IL4I1: variants seen among roughly 807,000 people sequenced by gnomAD.
The protein encoded by IL4I1 is L-amino-acid oxidase.
In IL4I1, 24 loss-of-function variants were observed where a neutral mutation model predicts 29.7. The observed-to-expected ratio is 0.81, with a 90% CI of 0.59 to 1.14. IL4I1 has a LOEUF of 1.14. Among genes scored for constraint, IL4I1 ranks in the 50% most tolerant of loss-of-function variants. The pLI is 0.00. For missense variants in IL4I1, 686 were observed against 785.6 expected, an observed-to-expected ratio of 0.87 and a Z score of 1.52; for synonymous variants, 371 against 352.5, an observed-to-expected ratio of 1.05 and a Z score of -0.59.
At chr19:49,896,371 C>T (rs1008887677) in intron 1 of IL4I1, among the ~76,000 whole-genome samples, 189 bp from the exon 2 acceptor site, 10 of 152,094 alleles carry the variant, frequency 6.6e-5, no homozygotes, top group Admixed American at 5.2e-4. Context: ...CCCTCCTCAC[C>T]GGTCTCCACC....
At chr19:49,924,483 A>ATGCAACCTGCC (rs953224455) in intron 2 of IL4I1, among the ~76,000 whole-genome samples, 8 of 152,024 alleles carry the variant, frequency 5.3e-5, no homozygotes, top group African/African-American at 1.9e-4. Flanking sequence ...GCCAGGGCTG[A>ATGCAACCTGCC]TGCAACCTGC....
intron 5 of IL4I1, among the ~76,000 whole-genome samples, chr19:49,892,653 C>T (rs1568684862): frequency 1.3e-5 from 2 of 152,182 alleles, no homozygotes; most frequent in Non-Finnish European, 2.9e-5. Context: ...AGCCTTGCTG[C>T]CCCCATCTAA....
chr19:49,917,409 A>G (rs1309347715), intron 2 of IL4I1, among the ~76,000 whole-genome samples: 1 of 152,182 alleles, frequency 6.6e-6, no homozygotes, highest in Non-Finnish European at 1.5e-5. Flanking sequence ...CGTCAAAGAA[A>G]ATCCCCCTAA....
intron 2 of IL4I1, among the ~76,000 whole-genome samples, chr19:49,924,717 C>A (rs530077770): frequency 5.3e-5 from 8 of 152,318 alleles, no homozygotes; most frequent in African/African-American, 1.7e-4. Context: ...CAGGCAACCA[C>A]TGATGACCGG....
At chr19:49,906,174 G>A (rs1031867671) in intron 2 of IL4I1, among the ~76,000 whole-genome samples, 1 of 152,068 alleles carries the variant, frequency 6.6e-6, no homozygotes, top group Non-Finnish European at 1.5e-5. Flanking sequence ...GTAACCACTG[G>A]AATAGCGCCT....
At chr19:49,908,906 C>A in intron 2 of IL4I1, 1 of 1,607,762 alleles carries the variant, frequency 6.2e-7, no homozygotes, top group Non-Finnish European at 8.5e-7. Flanking sequence ...GCTGGGGATC[C>A]CGGCTGGCGC....
rs765595786 is a variant in IL4I1 at position 49,909,537 on chromosome 19, C to T, written c.-227-5216G>A. 2 of 1,614,128 alleles carry T rather than the reference C, an allele frequency of 1.2e-6. No individual in the cohort carries two copies. The highest frequency in any genetic ancestry group is 1.3e-5 in the African/African-American group (1 of 75,028). On this transcript the variant is annotated intron_variant, in intron 2 of 9. Coordinates refer to the IL4I1 transcript ENST00000341114. ...AAGTTGAGCTTTGAAGCACCGATCC[C>T]CAAAGAAAATCCAGTTCCCCCCGAA...
chr19:49,909,191 G>A (rs748419210), intron 2 of IL4I1: 25 of 1,613,714 alleles, frequency 1.5e-5, no homozygotes, highest in Non-Finnish European at 2.1e-5. Flanking sequence ...TGTGGGAGCA[G>A]CTGGCTGTGT....
intron 2 of IL4I1, among the ~76,000 whole-genome samples, chr19:49,910,569 G>C (rs1435155404): frequency 6.6e-6 from 1 of 152,144 alleles, no homozygotes; most frequent in Admixed American, 6.5e-5. Context: ...GCCTCCCCTG[G>C]GGTTTTCTCC....
At chr19:49,899,329 A>G (rs1009904617), upstream of IL4I1, among the ~76,000 whole-genome samples, 1 of 152,132 alleles carries the variant, frequency 6.6e-6, no homozygotes, top group Non-Finnish European at 1.5e-5. Context: ...GTTGTTGCAC[A>G]AAACTCCTCT....
chr19:49,915,888 G>A (rs2075611674), intron 2 of IL4I1, among the ~76,000 whole-genome samples: 1 of 152,224 alleles, frequency 6.6e-6, no homozygotes, highest in African/African-American at 2.4e-5. Flanking sequence ...GAAGGACAAG[G>A]TTGCCTCCGA....
intron 2 of IL4I1, chr19:49,908,833 G>A (rs1190744786): frequency 2.5e-6 from 4 of 1,612,682 alleles, no homozygotes; most frequent in Non-Finnish European, 2.5e-6. Flanking sequence ...TCATGGCGGA[G>A]CTGGCAGCCG....
chr19:49,896,471 G>A (rs1410600965), intron 1 of IL4I1, among the ~76,000 whole-genome samples: 6 of 149,590 alleles, frequency 4.0e-5, no homozygotes, highest in Admixed American at 4.0e-4. Flanking sequence ...GTCTTTCTCT[G>A]CCATCCAGGC....
At chr19:49,909,564 C>A (rs182434614) in intron 2 of IL4I1, 2 of 1,614,172 alleles carry the variant, frequency 1.2e-6, no homozygotes, top group Non-Finnish European at 1.7e-6. Context: ...CCCCCCGAAG[C>A]AAGAGTCGCT....
At chr19:49,908,359 G>A (rs1192648135) in intron 2 of IL4I1, 3 of 1,614,204 alleles carry the variant, frequency 1.9e-6, no homozygotes, top group Non-Finnish European at 1.7e-6. Context: ...ACTGCAGTGA[G>A]TCCATGTGCG....
intron 2 of IL4I1, among the ~76,000 whole-genome samples, chr19:49,926,014 G>A (rs2075877581): frequency 6.6e-6 from 1 of 151,982 alleles, no homozygotes; most frequent in African/African-American, 2.4e-5. Flanking sequence ...TTCGAGACCA[G>A]CCTGACCAAC....
intron 2 of IL4I1, chr19:49,908,053 G>T: frequency 7.6e-7 from 1 of 1,312,984 alleles, no homozygotes; most frequent in Non-Finnish European, 1.0e-6. Context: ...TGCTGCCTGG[G>T]CAGAAGGCCC....
chr19:49,899,053 GA>G (rs2075246940), upstream of IL4I1, among the ~76,000 whole-genome samples: 1 of 152,244 alleles, frequency 6.6e-6, no homozygotes, highest in South Asian at 2.1e-4. Flanking sequence ...AACGCGGCGG[GA>G]TTGGGGCCTT....
At chr19:49,916,250 G>C (rs1453008833) in intron 2 of IL4I1, among the ~76,000 whole-genome samples, 2 of 152,130 alleles carry the variant, frequency 1.3e-5, no homozygotes, top group Non-Finnish European at 2.9e-5. Flanking sequence ...GGCCAAGTGT[G>C]GTGGCTCACA....
Sources: gnomAD v4.1 joint callset for allele counts (sites outside exome capture counted in the v4.1 genomes callset) on GRCh38, gnomAD v4.1.1 for gene constraint, MANE v1.5 for transcripts, NCBI Gene and HGNC (gene_info 2026-07-23, HGNC 2026-07-21) for gene names.